SLC11A2: variants seen among roughly 807,000 people sequenced by gnomAD.
SLC11A2 encodes the protein natural resistance-associated macrophage protein 2.
In SLC11A2, 38 loss-of-function variants were observed where a neutral mutation model predicts 68.0. That is an observed-to-expected ratio of 0.56 (90% CI 0.43 to 0.73). SLC11A2 has a LOEUF of 0.73. Among genes scored for constraint, SLC11A2 ranks in the 30% least tolerant of loss-of-function variants. The pLI, the probability that SLC11A2 is intolerant of heterozygous loss-of-function variation, is 0.00. For synonymous variants in SLC11A2, 242 were observed against 250.6 expected (o/e 0.97, Z 0.32); for missense variants, 517 against 690.5 (o/e 0.75, Z 2.82).
chr12:51,009,422 C>A (rs1196658455), intron 2 of SLC11A2: 1 of 397,604 alleles, frequency 2.5e-6, no homozygotes, highest in Non-Finnish European at 3.4e-6. Flanking sequence ...CAGAAATACA[C>A]AGAGCCTAGT....
chr12:51,017,459 C>T (rs557049793), intron 1 of SLC11A2, among the ~76,000 whole-genome samples: 1 of 152,204 alleles, frequency 6.6e-6, no homozygotes, highest in Admixed American at 6.5e-5. Context: ...CCAAAGGACA[C>T]ACCAAAAACT....
In SLC11A2 at chr12:51,025,789, G is replaced by A. The variant is rs973803822; in HGVS notation, c.-39+521C>T. ...AATCTACCCACAATTACTGAGCCGC[G>A]TATGCAGGCTATTCACACAGAAGGC... On this transcript the variant is annotated intron_variant, in intron 1 of 15. Transcript: ENST00000262052. The A allele has an allele frequency of 1.2e-5, 12 of 986,012 alleles. No homozygotes were observed. The East Asian group carries it at 3.4e-4, about 28-fold the overall frequency. The allele number at this position is 986,012 out of a possible 1,614,324, so 61.1% of individuals were successfully genotyped here. A position where few individuals can be genotyped will look rare whatever the true frequency, so the allele number is the denominator to read the frequency against.
the SLC11A2 span, among the ~76,000 whole-genome samples, chr12:50,952,624 G>A: frequency 6.6e-6 from 1 of 152,210 alleles, no homozygotes; most frequent in East Asian, 1.9e-4. Flanking sequence ...GCAGGGACTA[G>A]CCACAGGTGC....
chr12:50,993,595 G>C (rs187579521), intron 11 of SLC11A2, among the ~76,000 whole-genome samples: 12 of 151,632 alleles, frequency 7.9e-5, no homozygotes, highest in African/African-American at 2.2e-4. Context: ...GGAGGCCGAG[G>C]GGGGGGTGGA....
chr12:50,958,560 C>T, the SLC11A2 span, among the ~76,000 whole-genome samples: 6 of 151,412 alleles, frequency 4.0e-5, 1 homozygote, highest in South Asian at 2.1e-4. Flanking sequence ...GGATTACAGG[C>T]GTGAGCCACC....
intron 1 of SLC11A2, among the ~76,000 whole-genome samples, chr12:51,020,579 C>T (rs776297315): frequency 2.0e-5 from 3 of 152,098 alleles, no homozygotes; most frequent in South Asian, 2.1e-4. Context: ...TTATACAATG[C>T]GCTTAACATG....
the SLC11A2 span, chr12:50,970,460 A>G: frequency 2.6e-6 from 4 of 1,517,216 alleles, no homozygotes; most frequent in South Asian, 1.2e-5. Context: ...TATTCTATGT[A>G]TAAGGATTAC....
the SLC11A2 span, among the ~76,000 whole-genome samples, chr12:50,953,352 G>A: frequency 1.3e-5 from 2 of 152,218 alleles, no homozygotes; most frequent in East Asian, 1.9e-4. Context: ...ACAATAAGCT[G>A]CACAGGGAAC....
chr12:51,005,957 A>C, intron 3 of SLC11A2: 1 of 298,192 alleles, frequency 3.4e-6, no homozygotes. Flanking sequence ...ACCTCATTAT[A>C]CTCCCGTCCC....
In SLC11A2 at chr12:51,018,487, T is replaced by TA. The variant is rs548333533; in HGVS notation, c.-38-7722dup. 3.9e-4 allele frequency among the ~76,000 whole-genome samples: 60 copies of TA among 151,956 alleles called. 1 individual carries two copies. The highest frequency in any genetic ancestry group is 1.4e-3 in the African/African-American group (58 of 41,454). On this transcript the variant is annotated intron_variant, in intron 1 of 15. Coordinates refer to ENST00000262052, the MANE Select transcript of SLC11A2 (RefSeq NM_000617.3). Reference sequence around the variant, plus strand: ...TATACAACTTCAACTTTTTTTTTTTTAATCTACGGTTAAAACAAAAGTTTG... The same window carrying TA: ...TATACAACTTCAACTTTTTTTTTTTTAAATCTACGGTTAAAACAAAAGTTTG...
chr12:50,995,019 T>C (rs555847411), intron 10 of SLC11A2: 21 of 290,026 alleles, frequency 7.2e-5, no homozygotes, highest in Non-Finnish European at 1.3e-4. Context: ...TGATCAAAAC[T>C]ACACAGGCAG....
chr12:50,992,606 C>T (rs1366531732), intron 12 of SLC11A2, among the ~76,000 whole-genome samples: 1 of 151,714 alleles, frequency 6.6e-6, no homozygotes, highest in Non-Finnish European at 1.5e-5. Flanking sequence ...GTGGCCAGAG[C>T]CTGTAATCCT....
At position 51,012,355 on chromosome 12, in the gene SLC11A2, A is replaced by AC. The variant is rs1943301458; in HGVS notation, c.-38-1590_-38-1589insG. On this transcript the variant is annotated intron_variant, in intron 1 of 15. Transcript: ENST00000262052. ...GCCTTACCAATAAGGCTATTAAAAA[A>AC]AAAATGTTTCAATCTTCTTATCTAC... is the stretch of plus-strand genomic sequence containing the variant. Among the ~76,000 whole-genome samples, 3 of 146,440 alleles carry AC rather than the reference A, an allele frequency of 2.0e-5. No homozygotes were observed. In the East Asian group the frequency reaches 7.8e-4, roughly 38 times the overall value.
chr12:50,996,630 T>C (rs1941727695), intron 9 of SLC11A2, among the ~76,000 whole-genome samples, 187 bp downstream of exon 9: 1 of 151,926 alleles, frequency 6.6e-6, no homozygotes, highest in African/African-American at 2.4e-5. Flanking sequence ...ATGCAGTTAG[T>C]AATCTCTGGT....
chr12:50,992,634 A>G (rs1941269779), intron 12 of SLC11A2, among the ~76,000 whole-genome samples, 176 bp downstream of exon 12: 1 of 150,898 alleles, frequency 6.6e-6, no homozygotes, highest in Non-Finnish European at 1.5e-5. Context: ...CGGGAGGCTG[A>G]GTCAGGAGAA....
At chr12:50,967,406 CA>C in the SLC11A2 span, among the ~76,000 whole-genome samples, 1 of 152,098 alleles carries the variant, frequency 6.6e-6, no homozygotes. Context: ...CTCAGCCTCT[CA>C]AAGTGCTGGG....
chr12:50,961,673 G>A, the SLC11A2 span, among the ~76,000 whole-genome samples: 2 of 152,160 alleles, frequency 1.3e-5, no homozygotes, highest in African/African-American at 4.8e-5. Context: ...TATACCCAGA[G>A]CTAAATCAGG....
chr12:51,001,663 AG>A (rs1942253659), intron 5 of SLC11A2, among the ~76,000 whole-genome samples: 1 of 151,668 alleles, frequency 6.6e-6, no homozygotes, highest in African/African-American at 2.4e-5. Context: ...TAAAAATTAT[AG>A]GAAAAAAAAA....
downstream of SLC11A2, among the ~76,000 whole-genome samples, chr12:50,974,796 T>C (rs1359133643): frequency 6.6e-6 from 1 of 152,050 alleles, no homozygotes; most frequent in African/African-American, 2.4e-5. Flanking sequence ...TGGAGGAAGA[T>C]CTACCAAGCA....
Sources: allele counts gnomAD v4.1 joint callset (sites outside exome capture counted in the v4.1 genomes callset), GRCh38; gene constraint gnomAD v4.1.1; transcripts MANE v1.5; gene names NCBI Gene and HGNC (gene_info 2026-07-23, HGNC 2026-07-21).